The following PPP4R1 variants were observed in gnomAD, a reference collection of about 807,000 sequenced individuals.
PPP4R1 encodes protein phosphatase 4 regulatory subunit 1.
In PPP4R1, 42 loss-of-function variants were observed where a neutral mutation model predicts 111.2. The observed-to-expected ratio is 0.38, with a 90% confidence interval of 0.29 to 0.49. PPP4R1 has a LOEUF of 0.49. Ranked by LOEUF, PPP4R1 falls within the 20% of genes least tolerant of loss-of-function variation. The probability of loss-of-function intolerance (pLI) is 0.97; values close to 1 mark genes in which losing one functional copy is unlikely to be tolerated. For synonymous variants in PPP4R1, 409 were observed against 405.5 expected, an observed-to-expected ratio of 1.01 and a Z score of -0.10; for missense variants, 1,012 against 1,161.6, an observed-to-expected ratio of 0.87 and a Z score of 1.87.
chr18:9,559,675 G>T, intron 13 of PPP4R1, 71 bp from the exon 14 acceptor site: 1 of 1,191,696 alleles, frequency 8.4e-7, no homozygotes, highest in Non-Finnish European at 1.1e-6. Flanking sequence ...ACATAAATTG[G>T]GCAAAATTAT....
At chr18:9,555,035 C>G (rs574886668) in intron 15 of PPP4R1, among the ~76,000 whole-genome samples, 1 of 152,248 alleles carries the variant, frequency 6.6e-6, no homozygotes. Context: ...AGCATAGTGG[C>G]TCACATCTGT....
chr18:9,569,191 G>GAA (rs1175501445), intron 11 of PPP4R1, among the ~76,000 whole-genome samples: 3 of 53,286 alleles, frequency 5.6e-5, no homozygotes, highest in African/African-American at 6.5e-5. Context: ...CTCCGTCTCA[G>GAA]AAAAAAAAAA....
Position 9,584,180 on chromosome 18 carries a change from A to C in PPP4R1, c.759+335T>G, listed in dbSNP as rs145996054. ...GCATCTTGTGTACTATTTAAAACTA[A>C]CTTGCTATAGATTTAATATGTCATC... On this transcript the variant is annotated intron_variant, in intron 8 of 19. Transcript: ENST00000400556. Among the ~76,000 whole-genome samples, 20 of 152,332 alleles carry C rather than the reference A, an allele frequency of 1.3e-4. No individual in the cohort carries two copies. In the East Asian group the frequency reaches 3.7e-3, roughly 28 times the overall value.
chr18:9,566,402 C>T lies in PPP4R1; in HGVS notation c.1574-2852G>A, dbSNP rs1030446543. 2.0e-5 allele frequency among the ~76,000 whole-genome samples: 3 copies of T among 151,672 alleles called. No homozygotes were observed. In the East Asian group the frequency reaches 5.9e-4, roughly 30 times the overall value. On this transcript the variant is annotated intron_variant, in intron 11 of 19. Coordinates refer to ENST00000400556, the MANE Select transcript of PPP4R1 (RefSeq NM_001042388.3). ...TGGTGGCTCACGCCTGTAATCCCAG[C>T]ACTTTGGGAGGCTGAGGTGGGTGGA...
chr18:9,568,909 C>G (rs1391350300), intron 11 of PPP4R1, among the ~76,000 whole-genome samples: 1 of 152,088 alleles, frequency 6.6e-6, no homozygotes, highest in Non-Finnish European at 1.5e-5. Context: ...GTGGCGCACG[C>G]CTGTAGTCCC....
intron 12 of PPP4R1, 56 bp from the exon 13 acceptor site, chr18:9,562,131 A>C (rs1173812548): frequency 8.3e-6 from 11 of 1,332,010 alleles, no homozygotes; most frequent in African/African-American, 2.9e-5. Context: ...TCTTCATTTA[A>C]GCTATCTTAC....
chr18:9,616,353 C>G (rs535285378), upstream of PPP4R1, among the ~76,000 whole-genome samples: 19 of 152,088 alleles, frequency 1.2e-4, no homozygotes, highest in East Asian at 3.5e-3. Flanking sequence ...TCACTGTAAC[C>G]TCGAACTCCT....
rs761288872 is a variant in PPP4R1 at position 9,549,218 on chromosome 18, T to C, written c.2668A>G (p.Arg890Gly). 1 of 1,613,976 alleles carries C rather than the reference T, an allele frequency of 6.2e-7. No homozygotes were observed. The highest frequency in any genetic ancestry group is 8.5e-7 in the Non-Finnish European group (1 of 1,179,834). The change falls in exon 19 of 20, where the codon AGA (arginine) becomes GGA (glycine). Residue 890 changes from arginine (R) to glycine (G), a missense_variant. By Grantham distance (125) the Arg-to-Gly change is moderately radical. Around this residue, in one of 2 missense-constraint regions of PPP4R1, gnomAD observed 305 missense variants for 419.5 expected, o/e 0.73. Coordinates refer to ENST00000400556, the MANE Select transcript of PPP4R1 (RefSeq NM_001042388.3). Reference protein sequence around the residue: ...NVRVLLAKTLRQTLLEKDYFL... With the variant: ...NVRVLLAKTLGQTLLEKDYFL... ...CTACCTTTTTCTAGTAGAGTTTGTCTTAATGTCTTTGCAAGCAGCACTCGC... is the reference window on the plus strand; with the variant it reads ...CTACCTTTTTCTAGTAGAGTTTGTCCTAATGTCTTTGCAAGCAGCACTCGC...
At chr18:9,600,670 TTGAGA>T (rs1396351212) in intron 2 of PPP4R1, among the ~76,000 whole-genome samples, 3 of 152,082 alleles carry the variant, frequency 2.0e-5, no homozygotes, top group Non-Finnish European at 4.4e-5. Flanking sequence ...GCTCAGGAGT[TTGAGA>T]TGAGACCAGC....
At chr18:9,601,840 A>T (rs2067388599) in intron 2 of PPP4R1, among the ~76,000 whole-genome samples, 1 of 152,120 alleles carries the variant, frequency 6.6e-6, no homozygotes, top group African/African-American at 2.4e-5. Flanking sequence ...GATATAAACT[A>T]AGGCCCTACA....
chr18:9,597,148 TAAAAAAAAG>T, intron 2 of PPP4R1, among the ~76,000 whole-genome samples: 1 of 151,822 alleles, frequency 6.6e-6, no homozygotes, highest in South Asian at 2.1e-4. Context: ...CCCCATCTCT[TAAAAAAAAG>T]ATAAAACATA....
At chr18:9,563,999 C>T (rs2066720789) in intron 11 of PPP4R1, 1 of 152,924 alleles carries the variant, frequency 6.5e-6, no homozygotes, top group Non-Finnish European at 1.5e-5. Flanking sequence ...GTCACAGTTA[C>T]ATTTAAACAT....
At position 9,553,344 on chromosome 18, in the gene PPP4R1, G is replaced by T; in HGVS notation, c.2269C>A (p.Arg757=). Residue 757 remains arginine (R), a synonymous_variant, in exon 16 of 20, where the codon CGG becomes AGG. Transcript: ENST00000400556. ...TACTCAGCCAGTTCAGCTCGAAACC[G>T]CCAATTTCTACTATTATCTGTCACC... ...FLVTDNSRNW[R]FRAELAEQLI... The T allele has an allele frequency of 1.3e-6, 2 of 1,597,030 alleles. No individual in the cohort carries two copies. The highest frequency in any genetic ancestry group is 1.7e-6 in the Non-Finnish European group (2 of 1,165,140).
chr18:9,561,953 A>G, intron 13 of PPP4R1, 27 bp downstream of exon 13: 1 of 1,560,478 alleles, frequency 6.4e-7, no homozygotes, highest in Non-Finnish European at 8.8e-7. Flanking sequence ...ACACACCCAC[A>G]AAAGAACACA....
At chr18:9,568,244 CA>C (rs1314451815) in intron 11 of PPP4R1, among the ~76,000 whole-genome samples, 3 of 152,156 alleles carry the variant, frequency 2.0e-5, no homozygotes, top group Non-Finnish European at 4.4e-5. Context: ...AAACTGGTCT[CA>C]AACTCTTGGC....
At chr18:9,567,050 G>C (rs920760021) in intron 11 of PPP4R1, among the ~76,000 whole-genome samples, 1 of 152,190 alleles carries the variant, frequency 6.6e-6, no homozygotes, top group African/African-American at 2.4e-5. Context: ...ATTCTGTAAA[G>C]TTATAGCTGC....
Position 9,614,067 on chromosome 18 carries a change from G to T in PPP4R1, c.52+159C>A. ...CTGGGCGCGCCGTTTCCTCACGGAC[G>T]CGAGATTTTCCCCCCCGATCGCCAC... On this transcript the variant is annotated intron_variant, in intron 2 of 19. Coordinates refer to ENST00000400556, the MANE Select transcript of PPP4R1 (RefSeq NM_001042388.3). The surrounding 1 kb of genome is among the most constrained non-coding windows in gnomAD (Gnocchi z 4.1). The T allele has an allele frequency of 2.0e-6, 1 of 508,846 alleles. No individual in the cohort carries two copies. Among genetic ancestry groups the T allele is most frequent in the Non-Finnish European group, 2.9e-6 (1 of 350,166 alleles). The allele number at this position is 508,846 out of a possible 1,614,324, so 31.5% of individuals were successfully genotyped here. A position where few individuals can be genotyped will look rare whatever the true frequency, so the allele number is the denominator to read the frequency against.
Position 9,577,076 on chromosome 18 carries a change from T to G in PPP4R1, c.1034A>C (p.Glu345Ala). 2 of 1,559,348 alleles carry G rather than the reference T, an allele frequency of 1.3e-6. No homozygotes were observed. The highest frequency in any genetic ancestry group is 1.7e-6 in the Non-Finnish European group (2 of 1,153,940). The change falls in exon 10 of 20, where the codon GAA (glutamate) becomes GCA (alanine). Residue 345 changes from glutamate to alanine, a missense_variant. Glu to Ala is a moderately radical substitution (Grantham distance 107). Coordinates refer to ENST00000400556, the MANE Select transcript of PPP4R1 (RefSeq NM_001042388.3). ...ESKSSEEMSV[E>A]NKNRTRDQEA... is the part of the protein sequence containing the mutation. ...TTCAAAATTATACCTATTTTTGTTT[T>G]CTACTGACATCTCTTCTGAACTTTT... is the stretch of plus-strand genomic sequence containing the variant.
chr18:9,570,121 C>T (rs750886375), intron 11 of PPP4R1, 36 bp downstream of exon 11: 3 of 1,473,504 alleles, frequency 2.0e-6, no homozygotes, highest in South Asian at 1.5e-5. Flanking sequence ...TATTTTTAAT[C>T]AATTTCAGAA....
Sources: allele counts gnomAD v4.1 joint callset (sites outside exome capture counted in the v4.1 genomes callset), GRCh38; gene constraint gnomAD v4.1.1; regional missense constraint gnomAD v4.1.1; non-coding constraint Gnocchi (gnomAD v3.1); transcripts MANE v1.5; gene names NCBI Gene and HGNC (gene_info 2026-07-23, HGNC 2026-07-21).